The following CAMKMT variants were observed in gnomAD, a reference collection of about 807,000 sequenced individuals.
CAMKMT encodes the protein CaM KMT.
Under a neutral mutation model 48.0 loss-of-function variants are expected in CAMKMT, and 53 were observed. That is an observed-to-expected ratio of 1.10 (90% CI 0.89 to 1.39). The LOEUF (loss-of-function observed/expected upper bound fraction) is 1.39, where lower values mean the gene tolerates loss of function less well. Ranked by LOEUF, CAMKMT falls within the 40% of genes most tolerant of loss-of-function variation. The probability of loss-of-function intolerance (pLI) is 0.00; values close to 1 mark genes in which losing one functional copy is unlikely to be tolerated. For synonymous variants in CAMKMT, 165 were observed against 152.3 expected (o/e 1.08, Z -0.61); for missense variants, 428 against 402.7 (o/e 1.06, Z -0.54).
At chr2:44,406,206 A>C (rs528178719) in intron 3 of CAMKMT, among the ~76,000 whole-genome samples, 74 of 152,016 alleles carry the variant, frequency 4.9e-4, no homozygotes, top group Admixed American at 1.8e-3. Context: ...GCCTCTAATT[A>C]TATTCTCTGC....
At chr2:44,569,017 G>A (rs1336610866) in intron 3 of CAMKMT, among the ~76,000 whole-genome samples, 1 of 152,136 alleles carries the variant, frequency 6.6e-6, no homozygotes, top group Non-Finnish European at 1.5e-5. Context: ...TGATGGCTCT[G>A]GCCATCACAT....
chr2:44,461,861 C>G (rs1419509945), intron 3 of CAMKMT, among the ~76,000 whole-genome samples: 1 of 152,026 alleles, frequency 6.6e-6, no homozygotes, highest in Non-Finnish European at 1.5e-5. Context: ...ATTCCTTGAC[C>G]TACATCATTT....
intron 3 of CAMKMT, among the ~76,000 whole-genome samples, chr2:44,556,797 G>A (rs1041337807): frequency 2.7e-5 from 4 of 148,456 alleles, no homozygotes; most frequent in Admixed American, 1.3e-4. Flanking sequence ...GGATTAATCC[G>A]CTAGGCACAG....
intron 3 of CAMKMT, among the ~76,000 whole-genome samples, chr2:44,438,251 ACTTG>A (rs1290978705): frequency 6.6e-6 from 1 of 152,186 alleles, no homozygotes; most frequent in East Asian, 1.9e-4. Flanking sequence ...ATAATACTAG[ACTTG>A]CATCTTCCTA....
intron 7 of CAMKMT, among the ~76,000 whole-genome samples, chr2:44,724,992 C>A (rs972557985): frequency 3.3e-5 from 5 of 152,156 alleles, no homozygotes; most frequent in Admixed American, 3.3e-4. Flanking sequence ...TGTAAATATT[C>A]TGCAATGCAA....
At chr2:44,468,000 CAAAT>C (rs1431256908) in intron 3 of CAMKMT, among the ~76,000 whole-genome samples, 1 of 152,014 alleles carries the variant, frequency 6.6e-6, no homozygotes, top group Non-Finnish European at 1.5e-5. Context: ...CAAAAATAGA[CAAAT>C]AGTATTATAT....
intron 3 of CAMKMT, among the ~76,000 whole-genome samples, chr2:44,554,994 T>C (rs1365950170): frequency 6.6e-6 from 1 of 151,168 alleles, no homozygotes; most frequent in Non-Finnish European, 1.5e-5. Flanking sequence ...GGGGTGGGAG[T>C]AGGGAAGATA....
At chr2:44,569,005 C>T (rs1668767250) in intron 3 of CAMKMT, among the ~76,000 whole-genome samples, 1 of 152,290 alleles carries the variant, frequency 6.6e-6, no homozygotes, top group South Asian at 2.1e-4. Context: ...CAGAATTCCA[C>T]CTGATGGCTC....
chr2:44,662,303 G>A (rs533534150), intron 3 of CAMKMT, among the ~76,000 whole-genome samples: 1 of 152,178 alleles, frequency 6.6e-6, no homozygotes, highest in Non-Finnish European at 1.5e-5. Context: ...ATGACAATCA[G>A]TGCTTCTGAT....
Position 44,457,532 on chromosome 2 carries a change from G to A in CAMKMT, c.376+67227G>A, listed in dbSNP as rs549755744. On this transcript the variant is annotated intron_variant, in intron 3 of 10. Coordinates refer to ENST00000378494, the MANE Select transcript of CAMKMT (RefSeq NM_024766.5). ...TCCCACCTCAGCCTCCCGAGTAGCT[G>A]GGACTACAGGTGCGTGTCACCACGC... Among the ~76,000 whole-genome samples, 10 of 151,854 alleles carry A rather than the reference G, an allele frequency of 6.6e-5. No individual in the cohort carries two copies. In the South Asian group the frequency reaches 1.7e-3, roughly 25 times the overall value.
chr2:44,524,436 T>A (rs1671294492), intron 3 of CAMKMT, among the ~76,000 whole-genome samples: 1 of 152,166 alleles, frequency 6.6e-6, no homozygotes, highest in Non-Finnish European at 1.5e-5. Flanking sequence ...GCATTATTAT[T>A]ATTGTTTTCC....
At chr2:44,381,524 T>C (rs114162314) in intron 2 of CAMKMT, among the ~76,000 whole-genome samples, 1,823 of 152,332 alleles carry the variant, frequency 0.012, 35 homozygotes, top group African/African-American at 0.041. Flanking sequence ...TCCACAAGAA[T>C]GTTCACTGCA....
intron 3 of CAMKMT, among the ~76,000 whole-genome samples, chr2:44,679,190 A>C (rs1246918326): frequency 6.6e-6 from 1 of 152,176 alleles, no homozygotes; most frequent in African/African-American, 2.4e-5. Flanking sequence ...GGGTGAATCA[A>C]TGCTTGAGGA....
intron 4 of CAMKMT, among the ~76,000 whole-genome samples, 183 bp from the exon 5 acceptor site, chr2:44,706,104 C>G (rs947515767): frequency 2.0e-5 from 3 of 152,116 alleles, no homozygotes; most frequent in Non-Finnish European, 4.4e-5. Context: ...TGCTTTGTGA[C>G]TTTTCTATTT....
intron 3 of CAMKMT, chr2:44,631,387 TA>T: frequency 2.3e-6 from 1 of 439,340 alleles, no homozygotes; most frequent in Non-Finnish European, 3.9e-6. Context: ...CCCTAAAACT[TA>T]AAGTATAATA....
At chr2:44,720,485 A>T (rs955321453) in intron 7 of CAMKMT, among the ~76,000 whole-genome samples, 1 of 152,198 alleles carries the variant, frequency 6.6e-6, no homozygotes, top group Non-Finnish European at 1.5e-5. Context: ...ATCAATAAAA[A>T]TATTTTTATT....
At chr2:44,515,772 C>T (rs888657173) in intron 3 of CAMKMT, among the ~76,000 whole-genome samples, 1 of 152,182 alleles carries the variant, frequency 6.6e-6, no homozygotes, top group African/African-American at 2.4e-5. Context: ...GGGTTGTTAG[C>T]TCTGTCTTCT....
chr2:44,393,076 A>G (rs1681502972), intron 3 of CAMKMT, among the ~76,000 whole-genome samples: 1 of 152,156 alleles, frequency 6.6e-6, no homozygotes, highest in African/African-American at 2.4e-5. Flanking sequence ...AGAACCATTA[A>G]TTTCAATTGT....
intron 3 of CAMKMT, among the ~76,000 whole-genome samples, chr2:44,446,081 G>C (rs1666980129): frequency 6.6e-6 from 1 of 152,012 alleles, no homozygotes; most frequent in Non-Finnish European, 1.5e-5. Flanking sequence ...AGAACCTCTG[G>C]GACTACAGGT....
Sources: allele counts gnomAD v4.1 joint callset (sites outside exome capture counted in the v4.1 genomes callset), GRCh38; gene constraint gnomAD v4.1.1; transcripts MANE v1.5; gene names NCBI Gene and HGNC (gene_info 2026-07-23, HGNC 2026-07-21).